The following CDC14B variants were observed in gnomAD, a reference collection of about 807,000 sequenced individuals.
CDC14B encodes cell division cycle 14B.
A neutral mutation model predicts 64.2 loss-of-function variants in CDC14B; 22 were observed. The ratio of observed to expected loss-of-function variants is 0.34; its 90% confidence interval spans 0.24 to 0.49. CDC14B has a LOEUF of 0.49. Ranked by LOEUF, CDC14B falls within the 20% of genes least tolerant of loss-of-function variation. The pLI, the probability that CDC14B is intolerant of heterozygous loss-of-function variation, is 0.99. For synonymous variants in CDC14B, 191 were observed against 215.8 expected (o/e 0.89, Z 1.01); for missense variants, 498 against 629.9 (o/e 0.79, Z 2.24).
At chr9:96,541,225 G>C (rs1000271998) in intron 6 of CDC14B, among the ~76,000 whole-genome samples, 2 of 152,228 alleles carry the variant, frequency 1.3e-5, no homozygotes, top group Non-Finnish European at 2.9e-5. Flanking sequence ...CGTAGAACGT[G>C]ATAGGGAGGG....
intron 9 of CDC14B, among the ~76,000 whole-genome samples, chr9:96,533,501 G>C (rs531316021): frequency 6.6e-6 from 1 of 152,224 alleles, no homozygotes; most frequent in South Asian, 2.1e-4. Context: ...ACTAACAAGA[G>C]AGTTAAATAA....
intron 1 of CDC14B, among the ~76,000 whole-genome samples, chr9:96,584,251 G>A (rs1267275248): frequency 6.6e-6 from 1 of 152,166 alleles, no homozygotes; most frequent in African/African-American, 2.4e-5. Flanking sequence ...TTATAACTTG[G>A]TAGCAGTGTT....
At chr9:96,519,743 A>G (rs1836381702) in intron 12 of CDC14B, among the ~76,000 whole-genome samples, 1 of 151,658 alleles carries the variant, frequency 6.6e-6, no homozygotes. Flanking sequence ...AAAAAAAAAA[A>G]AAAAAAAAAA....
intron 1 of CDC14B, among the ~76,000 whole-genome samples, chr9:96,581,278 G>A (rs1181354918): frequency 6.6e-6 from 1 of 151,230 alleles, no homozygotes; most frequent in Non-Finnish European, 1.5e-5. Context: ...GAAGCACAAA[G>A]AAGAAAATAA....
At position 96,619,750 on chromosome 9, in the gene CDC14B, C is replaced by G. The variant is rs1588092969; in HGVS notation, c.-372G>C. 1.3e-5 allele frequency: 2 copies of G among 151,224 alleles called. No individual in the cohort carries two copies. The highest frequency in any genetic ancestry group is 2.0e-4 in the East Asian group (1 of 5,106). The allele number at this position is 151,224 out of a possible 1,614,324, so 9.4% of individuals were successfully genotyped here. On this transcript the variant is annotated 5_prime_UTR_variant, in exon 1 of 14. Coordinates refer to ENST00000375241, the MANE Select transcript of CDC14B (RefSeq NM_033331.4). ...TGCCCGGGGTAACCGTGCGTGCCCACCGCGGCCGCGGCCGCTGCTGCGTAG... is the reference window on the plus strand; with the variant it reads ...TGCCCGGGGTAACCGTGCGTGCCCAGCGCGGCCGCGGCCGCTGCTGCGTAG...
At chr9:96,547,857 G>A (rs994528442) in intron 5 of CDC14B, among the ~76,000 whole-genome samples, 1 of 151,248 alleles carries the variant, frequency 6.6e-6, no homozygotes, top group Non-Finnish European at 1.5e-5. Context: ...ATGGAGCCTC[G>A]CTCTGTTGCC....
intron 3 of CDC14B, 54 bp downstream of exon 3, chr9:96,564,723 G>T: frequency 1.9e-6 from 2 of 1,045,814 alleles, no homozygotes; most frequent in Non-Finnish European, 2.8e-6. Flanking sequence ...CCTTACTTTC[G>T]TCCCCCAGAT....
chr9:96,598,469 T>G (rs916744266), intron 1 of CDC14B, among the ~76,000 whole-genome samples: 19 of 152,104 alleles, frequency 1.2e-4, no homozygotes, highest in Non-Finnish European at 2.4e-4. Flanking sequence ...CCCCAGTAGC[T>G]GGGATTACAG....
At chr9:96,524,846 C>T (rs899301691) in intron 9 of CDC14B, among the ~76,000 whole-genome samples, 6 of 152,148 alleles carry the variant, frequency 3.9e-5, no homozygotes, top group African/African-American at 1.4e-4. Context: ...AATAAATCTC[C>T]TACATATAAA....
At chr9:96,604,218 C>T (rs1588065753) in intron 1 of CDC14B, among the ~76,000 whole-genome samples, 1 of 152,236 alleles carries the variant, frequency 6.6e-6, no homozygotes, top group Middle Eastern at 3.4e-3. Flanking sequence ...GTCAAACTTC[C>T]AAGCTACAGT....
chr9:96,545,182 A>C (rs996366551), intron 5 of CDC14B, among the ~76,000 whole-genome samples: 2 of 152,188 alleles, frequency 1.3e-5, no homozygotes, highest in Admixed American at 1.3e-4. Context: ...GGAATAAAGA[A>C]CCCATTTAGG....
chr9:96,584,941 C>T (rs1845373949), intron 1 of CDC14B, among the ~76,000 whole-genome samples: 1 of 152,208 alleles, frequency 6.6e-6, no homozygotes, highest in Admixed American at 6.5e-5. Flanking sequence ...CAAGCATAAG[C>T]CACCACGCCT....
chr9:96,578,125 T>C (rs2118237037), intron 1 of CDC14B, among the ~76,000 whole-genome samples: 2 of 152,304 alleles, frequency 1.3e-5, no homozygotes, highest in Middle Eastern at 3.4e-3. Flanking sequence ...CCTGAAAAAC[T>C]GCAATAGTCA....
At chr9:96,539,943 G>A (rs901564646) in intron 6 of CDC14B, among the ~76,000 whole-genome samples, 3 of 152,148 alleles carry the variant, frequency 2.0e-5, no homozygotes, top group Non-Finnish European at 4.4e-5. Context: ...GGTTCAAAGA[G>A]GGGGCTTTTG....
chr9:96,619,461 C>A lies in CDC14B; in HGVS notation c.-83G>T. 1.3e-6 allele frequency: 1 copy of A among 786,360 alleles called. No individual in the cohort carries two copies. The highest frequency in any genetic ancestry group is 1.5e-6 in the Non-Finnish European group (1 of 652,358). The allele number at this position is 786,360 out of a possible 1,614,324, so 48.7% of individuals were successfully genotyped here. On this transcript the variant is annotated 5_prime_UTR_variant, in exon 1 of 14. Transcript: ENST00000375241. ...CGCCGAGGCTCCCGCCAGCCCCGCG[C>A]GGGCGCTCGGGGCGGCGGGCGCAGA...
chr9:96,556,673 G>A (rs1346785185), intron 4 of CDC14B, among the ~76,000 whole-genome samples: 1 of 151,970 alleles, frequency 6.6e-6, no homozygotes, highest in Non-Finnish European at 1.5e-5. Context: ...TATCTACCAA[G>A]TCTGCTAATA....
intron 1 of CDC14B, among the ~76,000 whole-genome samples, chr9:96,571,278 C>T (rs867250664): frequency 6.6e-6 from 1 of 151,652 alleles, no homozygotes; most frequent in Non-Finnish European, 1.5e-5. Flanking sequence ...TGGGTTCAAG[C>T]GATTCTCCTG....
At chr9:96,527,171 C>T (rs978970260) in intron 9 of CDC14B, among the ~76,000 whole-genome samples, 6 of 151,712 alleles carry the variant, frequency 4.0e-5, no homozygotes, top group Non-Finnish European at 7.4e-5. Context: ...TTTGGGAGGC[C>T]GAGGCAGGTG....
chr9:96,619,068 G>A (rs140114401), intron 1 of CDC14B, 151 bp downstream of exon 1: 2 of 492,828 alleles, frequency 4.1e-6, no homozygotes, highest in African/African-American at 2.0e-5. Flanking sequence ...GCTCCTAAAG[G>A]GGGTGTGGCG....
Sources: allele counts gnomAD v4.1 joint callset (sites outside exome capture counted in the v4.1 genomes callset), GRCh38; gene constraint gnomAD v4.1.1; transcripts MANE v1.5; gene names NCBI Gene and HGNC (gene_info 2026-07-23, HGNC 2026-07-21).